The following AGMO variants were observed in gnomAD, a reference collection of about 807,000 sequenced individuals.
AGMO encodes glyceryl-ether monooxygenase.
In AGMO, 75 loss-of-function variants were observed where a neutral mutation model predicts 60.2. The ratio of observed to expected loss-of-function variants is 1.25; its 90% CI spans 1.03 to 1.51. The LOEUF (loss-of-function observed/expected upper bound fraction) is 1.51. AGMO is among the 40% of genes most tolerant of loss of function. The pLI is 0.00. For missense variants in AGMO, 763 were observed against 525.5 expected (o/e 1.45, Z -4.42); for synonymous variants, 261 against 177.1 (o/e 1.47, Z -3.76).
intron 4 of AGMO, among the ~76,000 whole-genome samples, chr7:15,424,724 T>A (rs1439915730): frequency 6.6e-6 from 1 of 152,174 alleles, no homozygotes; most frequent in African/African-American, 2.4e-5. Context: ...TGGTTGAGGG[T>A]GAAGAAGGAA....
chr7:15,434,889 A>G (rs1781356341), intron 3 of AGMO, among the ~76,000 whole-genome samples: 1 of 134,956 alleles, frequency 7.4e-6, no homozygotes, highest in African/African-American at 2.8e-5. Flanking sequence ...AGTCCCTAGT[A>G]TCCAATGATT....
At chr7:15,199,855 G>A (rs1781228562), downstream of AGMO, among the ~76,000 whole-genome samples, 1 of 152,160 alleles carries the variant, frequency 6.6e-6, no homozygotes, top group Non-Finnish European at 1.5e-5. Context: ...GATAGAATGT[G>A]TTGCTTTTTC....
chr7:15,367,779 G>C (rs1328305856), intron 10 of AGMO, among the ~76,000 whole-genome samples: 1 of 152,064 alleles, frequency 6.6e-6, no homozygotes, highest in Non-Finnish European at 1.5e-5. Context: ...TGAAAACCCA[G>C]AGGTGTGATA....
the AGMO span, among the ~76,000 whole-genome samples, chr7:15,121,048 C>T: frequency 2.6e-5 from 4 of 152,204 alleles, no homozygotes; most frequent in East Asian, 5.8e-4. Flanking sequence ...GTTCAGTTCC[C>T]ACATGTAAGT....
intron 12 of AGMO, among the ~76,000 whole-genome samples, chr7:15,250,301 G>C (rs984600265): frequency 6.6e-6 from 1 of 151,984 alleles, no homozygotes; most frequent in African/African-American, 2.4e-5. Flanking sequence ...ATACACTCAA[G>C]ACTAGACAAT....
rs76269132 is a variant in AGMO, at chr7:15,385,435, A to G, written c.1074+11T>C. The stretch of plus-strand genomic sequence containing the variant: ...AATGTTCTCACACTACTTAAAATGG[A>G]TATTACTTACAGCTGTATCTGCAAA... On this transcript the variant is annotated intron_variant, in intron 10 of 12. Transcript: ENST00000342526. 2.8e-3 allele frequency: 4,221 copies of G among 1,491,258 alleles called. 88 individuals carry two copies. In the African/African-American group the frequency reaches 0.05, roughly 18 times the overall value. 92.4% of individuals were successfully genotyped at this position (1,491,258 alleles called of 1,614,324 possible). A position where few individuals can be genotyped will look rare whatever the true frequency, so the allele number is the denominator to read the frequency against.
chr7:15,454,377 A>ACG (rs1462635909), intron 3 of AGMO, among the ~76,000 whole-genome samples: 1 of 57,848 alleles, frequency 1.7e-5, no homozygotes, highest in Non-Finnish European at 4.3e-5. Context: ...ACACACACAC[A>ACG]CAAACACACA....
Position 15,387,426 on chromosome 7 carries a change from G to C in AGMO, c.937C>G (p.Leu313Val). ...GWGPGKPRLG[L>V]SEEIPEVTGK... Reference sequence around the variant, plus strand: ...TTTACCTCTGGAATTTCTTCACTGAGACCAAGTCTTGGTTTACCTGGACCC... The same window carrying C: ...TTTACCTCTGGAATTTCTTCACTGACACCAAGTCTTGGTTTACCTGGACCC... The change falls in exon 9 of 13, where the codon CTC becomes GTC. Residue 313 changes from leucine (L) to valine (V), a missense_variant. By Grantham distance (32) the Leu-to-Val change is conservative (BLOSUM62 1). Transcript: ENST00000342526. 9.3e-6 allele frequency: 15 copies of C among 1,613,526 alleles called. No homozygotes were observed. Among genetic ancestry groups the C allele is most frequent in the Non-Finnish European group, 1.3e-5 (15 of 1,179,862 alleles).
chr7:15,225,357 TTATGA>T (rs1171862017), intron 12 of AGMO, among the ~76,000 whole-genome samples: 1 of 152,010 alleles, frequency 6.6e-6, no homozygotes, highest in Non-Finnish European at 1.5e-5. Context: ...TTGTATTTTC[TTATGA>T]TATGTTTTTG....
At chr7:15,354,510 A>ACGCG (rs1563106015) in intron 12 of AGMO, among the ~76,000 whole-genome samples, 2 of 77,288 alleles carry the variant, frequency 2.6e-5, no homozygotes, top group Non-Finnish European at 5.1e-5. Context: ...ATATATATAT[A>ACGCG]TATATATATA....
the AGMO span, among the ~76,000 whole-genome samples, chr7:15,160,181 G>A: frequency 1.3e-5 from 2 of 152,092 alleles, no homozygotes; most frequent in African/African-American, 4.8e-5. Context: ...GATTGATCAC[G>A]GAACAGCGAG....
At chr7:15,553,214 T>C (rs1306300203) in intron 2 of AGMO, among the ~76,000 whole-genome samples, 3 of 151,730 alleles carry the variant, frequency 2.0e-5, no homozygotes, top group African/African-American at 7.3e-5. Context: ...GAGATATACC[T>C]AATGCTAGAT....
In AGMO at chr7:15,386,477, T is replaced by C. The variant is rs1055137955; in HGVS notation, c.958-915A>G. Among the ~76,000 whole-genome samples, 101 of 152,246 alleles carry C rather than the reference T, an allele frequency of 6.6e-4. 3 individuals carry two copies. Among genetic ancestry groups the C allele is most frequent in the Admixed American group, 6.5e-3 (100 of 15,294 alleles). On this transcript the variant is annotated intron_variant, in intron 9 of 12. Transcript: ENST00000342526. ...GATCATAGCAAACAGCTTTTTGGAG[T>C]TGAAATATAAAAATTATTTCACCTA...
chr7:15,293,634 T>G (rs909346239), intron 12 of AGMO, among the ~76,000 whole-genome samples: 3 of 152,194 alleles, frequency 2.0e-5, no homozygotes, highest in Non-Finnish European at 4.4e-5. Flanking sequence ...CACCAATGAT[T>G]AAATTCGATA....
intron 2 of AGMO, among the ~76,000 whole-genome samples, chr7:15,555,830 A>G (rs1785117590): frequency 6.6e-6 from 1 of 152,040 alleles, no homozygotes; most frequent in Non-Finnish European, 1.5e-5. Context: ...AAGTCTATTT[A>G]TTAGTTTTCT....
At chr7:15,243,495 G>A (rs910506280) in intron 12 of AGMO, among the ~76,000 whole-genome samples, 5 of 151,990 alleles carry the variant, frequency 3.3e-5, no homozygotes, top group Admixed American at 2.0e-4. Context: ...TAGTGTTGGC[G>A]TATGACGGAT....
intron 3 of AGMO, among the ~76,000 whole-genome samples, chr7:15,441,917 CCT>C (rs1328318645): frequency 1.3e-5 from 2 of 152,118 alleles, no homozygotes; most frequent in Non-Finnish European, 2.9e-5. Context: ...GTATATTACC[CCT>C]GTCAACAAAA....
At chr7:15,324,890 G>A (rs1781290031) in intron 12 of AGMO, among the ~76,000 whole-genome samples, 1 of 152,062 alleles carries the variant, frequency 6.6e-6, no homozygotes, top group Admixed American at 6.6e-5. Flanking sequence ...CTCCTGCTGT[G>A]TGGTCCGGTT....
chr7:15,354,133 G>C (rs903039381), intron 12 of AGMO, among the ~76,000 whole-genome samples: 2 of 151,534 alleles, frequency 1.3e-5, no homozygotes, highest in Non-Finnish European at 2.9e-5. Context: ...TACAGGAAGA[G>C]GACAATGTTT....
Sources: allele counts gnomAD v4.1 joint callset (sites outside exome capture counted in the v4.1 genomes callset), GRCh38; gene constraint gnomAD v4.1.1; transcripts MANE v1.5; gene names NCBI Gene and HGNC (gene_info 2026-07-23, HGNC 2026-07-21).